The following PTPRS variants were observed in gnomAD, a reference collection of about 807,000 sequenced individuals.
The protein encoded by PTPRS is receptor-type tyrosine-protein phosphatase S.
A neutral mutation model predicts 215.3 loss-of-function variants in PTPRS; 63 were observed. The ratio of observed to expected loss-of-function variants is 0.29; its 90% CI spans 0.24 to 0.36. PTPRS has a LOEUF of 0.36. PTPRS is among the 10% of genes least tolerant of loss of function. The probability of loss-of-function intolerance (pLI) is 1.00; values close to 1 mark genes in which losing one functional copy is unlikely to be tolerated. For missense variants in PTPRS, 2,258 were observed against 2,825.8 expected, an observed-to-expected ratio of 0.80 and a Z score of 4.56; for synonymous variants, 1,404 against 1,191.4, an observed-to-expected ratio of 1.18 and a Z score of -3.68.
chr19:5,315,350 G>GCTTCT (rs2049835558), intron 1 of PTPRS, among the ~76,000 whole-genome samples: 2 of 101,298 alleles, frequency 2.0e-5, no homozygotes, highest in Non-Finnish European at 3.8e-5. Context: ...ATTTGAAAAG[G>GCTTCT]GTTTTTTTTT....
rs562222620 is a variant in PTPRS, at chr19:5,272,343, A to T, written c.379+1099T>A. Among the ~76,000 whole-genome samples, 6 of 152,218 alleles carry T rather than the reference A, an allele frequency of 3.9e-5. No homozygotes were observed. In the South Asian group the frequency reaches 8.3e-4, roughly 21 times the overall value. Reference sequence around the variant, plus strand: ...CTGCATGCAGTGGCTTATGCCTGTAATCCCAGCACTTTGGGAGGCTGAGGC... The same window carrying T: ...CTGCATGCAGTGGCTTATGCCTGTATTCCCAGCACTTTGGGAGGCTGAGGC... On this transcript the variant is annotated intron_variant, in intron 4 of 37. Transcript: ENST00000262963.
intron 2 of PTPRS, among the ~76,000 whole-genome samples, chr19:5,280,582 G>A (rs984365735): frequency 4.6e-5 from 7 of 152,118 alleles, no homozygotes; most frequent in Admixed American, 1.3e-4. Flanking sequence ...TCAGCCAGGC[G>A]TGGTGGCGGG....
chr19:5,324,994 G>GA (rs2050132208), intron 1 of PTPRS, among the ~76,000 whole-genome samples: 1 of 152,210 alleles, frequency 6.6e-6, no homozygotes, highest in African/African-American at 2.4e-5. Flanking sequence ...GCAAATGCCA[G>GA]AAAAAGCACA....
At chr19:5,230,587 A>G (rs1318138010) in intron 14 of PTPRS, among the ~76,000 whole-genome samples, 1 of 152,194 alleles carries the variant, frequency 6.6e-6, no homozygotes, top group African/African-American at 2.4e-5. Flanking sequence ...CGTCTTGAGT[A>G]GCTGAGACTA....
chr19:5,313,963 AT>A (rs2049792277), intron 1 of PTPRS, among the ~76,000 whole-genome samples: 6 of 150,842 alleles, frequency 4.0e-5, no homozygotes, highest in South Asian at 2.1e-4. Flanking sequence ...AATAATAATA[AT>A]AATAATAAAT....
chr19:5,324,420 C>T (rs1157403567), intron 1 of PTPRS, among the ~76,000 whole-genome samples: 2 of 152,098 alleles, frequency 1.3e-5, no homozygotes, highest in Non-Finnish European at 2.9e-5. Flanking sequence ...AAGACAGTGA[C>T]CCCTGTGCCT....
intron 4 of PTPRS, among the ~76,000 whole-genome samples, chr19:5,271,708 TATTC>T (rs532699217): frequency 1.1e-4 from 16 of 151,342 alleles, no homozygotes; most frequent in Middle Eastern, 3.5e-3. Flanking sequence ...ATTTCATTTT[TATTC>T]ATTCATTCAT....
intron 11 of PTPRS, among the ~76,000 whole-genome samples, chr19:5,240,794 G>T (rs534077876): frequency 3.3e-5 from 5 of 150,744 alleles, no homozygotes; most frequent in Non-Finnish European, 5.9e-5. Flanking sequence ...AGCGGAGATC[G>T]CGCCACTGCA....
Position 5,237,095 on chromosome 19 carries a change from G to T in PTPRS, c.1849+1824C>A, listed in dbSNP as rs902681675. ...CTTACGAGAGAGGGAACGGCCGAGC[G>T]CTGAGCTACAAGGCCAGACCGAACT... On this transcript the variant is annotated intron_variant, in intron 13 of 37. Transcript: ENST00000262963. This position sits in a 1 kb window ranked among gnomAD's most constrained non-coding sequence, Gnocchi z 4.2. 2.0e-5 allele frequency among the ~76,000 whole-genome samples: 3 copies of T among 152,164 alleles called. No homozygotes were observed. The highest frequency in any genetic ancestry group is 4.4e-5 in the Non-Finnish European group (3 of 68,028).
At position 5,246,019 on chromosome 19, in the gene PTPRS, T is replaced by C; in HGVS notation, c.745A>G (p.Ile249Val). The C allele has an allele frequency of 6.5e-7, 1 of 1,542,968 alleles. No individual in the cohort carries two copies. Among genetic ancestry groups the C allele is most frequent in the Non-Finnish European group, 8.7e-7 (1 of 1,143,452 alleles). ...EVRRVAPRFSILPMSHEIMPG... is the reference protein window; with the variant it reads ...EVRRVAPRFSVLPMSHEIMPG... ...ATGATCTCGTGGCTCATGGGCAGGA[T>C]GGAGAAGCGCGGGGCCACGCGGCGG... Residue 249 changes from isoleucine to valine, a missense_variant, in exon 10 of 38, where the codon ATC becomes GTC. Physicochemically the swap from Ile to Val is conservative, Grantham distance 29 (BLOSUM62 3). Coordinates refer to ENST00000262963, the MANE Select transcript of PTPRS (RefSeq NM_002850.4).
intron 1 of PTPRS, among the ~76,000 whole-genome samples, chr19:5,288,611 C>G (rs1426279675): frequency 6.6e-6 from 1 of 152,204 alleles, no homozygotes; most frequent in Non-Finnish European, 1.5e-5. Flanking sequence ...CTTGGCCACA[C>G]TGAGGGGGCG....
At chr19:5,256,412 T>C (rs2045559325) in intron 8 of PTPRS, among the ~76,000 whole-genome samples, 1 of 152,108 alleles carries the variant, frequency 6.6e-6, no homozygotes, top group Non-Finnish European at 1.5e-5. Flanking sequence ...CAGGCAAAGA[T>C]GGGGAAACAG....
chr19:5,210,663 G>C lies in PTPRS; in HGVS notation c.5361+16C>G. The C allele has an allele frequency of 6.2e-7, 1 of 1,614,136 alleles. No homozygotes were observed. Among genetic ancestry groups the C allele is most frequent in the Non-Finnish European group, 8.5e-7 (1 of 1,180,028 alleles). ...AGTCTGGCCCTCGCCCTTCCCTGCT[G>C]TGGCCCCTAGCTCACCCGGCCCATC... On this transcript the variant is annotated intron_variant, in intron 34 of 37. Transcript: ENST00000262963. This position sits in a 1 kb window ranked among gnomAD's most constrained non-coding sequence, Gnocchi z 4.5.
At chr19:5,307,310 A>C (rs1177472366) in intron 1 of PTPRS, among the ~76,000 whole-genome samples, 3 of 150,058 alleles carry the variant, frequency 2.0e-5, no homozygotes, top group East Asian at 3.9e-4. Flanking sequence ...CTCCATTTCA[A>C]AAATATAAAT....
chr19:5,248,970 C>T (rs1259022465), intron 9 of PTPRS, among the ~76,000 whole-genome samples: 7 of 152,156 alleles, frequency 4.6e-5, no homozygotes, highest in African/African-American at 7.2e-5. Flanking sequence ...GGGGCTGGGA[C>T]GATCAAACAG....
At chr19:5,285,028 A>G (rs2048226669) in intron 2 of PTPRS, among the ~76,000 whole-genome samples, 1 of 152,258 alleles carries the variant, frequency 6.6e-6, no homozygotes, top group African/African-American at 2.4e-5. Context: ...GTATGTCTCC[A>G]GTTTGTTAAC....
Position 5,221,027 on chromosome 19 carries a change from G to C in PTPRS, c.3428C>G (p.Pro1143Arg). 1 of 1,612,936 alleles carries C rather than the reference G, an allele frequency of 6.2e-7. No homozygotes were observed. The highest frequency in any genetic ancestry group is 8.5e-7 in the Non-Finnish European group (1 of 1,179,466). ...DADGFIMVYLPDGQSPVPVQS... is the reference protein window; with the variant it reads ...DADGFIMVYLRDGQSPVPVQS... ...GACAGGCACGGGGCTCTGGCCGTCA[G>C]GAAGATACACCATGATGAAGCCGTC... The change falls in exon 20 of 38, where the codon CCT becomes CGT. Residue 1143 changes from proline (P) to arginine (R), a missense_variant. Pro to Arg is a moderately radical substitution (Grantham distance 103, BLOSUM62 -2). Coordinates refer to ENST00000262963, the MANE Select transcript of PTPRS (RefSeq NM_002850.4).
chr19:5,297,791 C>CTTTT (rs373472522), intron 1 of PTPRS, among the ~76,000 whole-genome samples: 20 of 131,362 alleles, frequency 1.5e-4, no homozygotes, highest in Non-Finnish European at 2.6e-4. Flanking sequence ...CTTTTCTTTT[C>CTTTT]TTTTTTTTTT....
At chr19:5,314,934 T>C (rs1162229187) in intron 1 of PTPRS, among the ~76,000 whole-genome samples, 1 of 152,218 alleles carries the variant, frequency 6.6e-6, no homozygotes, top group African/African-American at 2.4e-5. Context: ...CATTCAGATT[T>C]GGGACTGAGG....
Sources: allele counts gnomAD v4.1 joint callset (sites outside exome capture counted in the v4.1 genomes callset), GRCh38; gene constraint gnomAD v4.1.1; non-coding constraint Gnocchi (gnomAD v3.1); transcripts MANE v1.5; gene names NCBI Gene and HGNC (gene_info 2026-07-23, HGNC 2026-07-21).